The following TPPP variants were observed in gnomAD, a reference collection of about 807,000 sequenced individuals.
TPPP encodes the protein tubulin polymerization promoting protein.
TPPP carries 6 observed loss-of-function variants against 15.5 expected under a neutral mutation model. The observed-to-expected ratio is 0.39, with a 90% confidence interval of 0.21 to 0.77. TPPP has a LOEUF of 0.77. TPPP is among the 30% of genes least tolerant of loss of function. The pLI is 0.42. For missense variants in TPPP, 269 were observed against 307.2 expected (o/e 0.88, Z 0.93); for synonymous variants, 146 against 133.9 (o/e 1.09, Z -0.63).
At chr5:671,248 A>C (rs1241972843) in intron 2 of TPPP, among the ~76,000 whole-genome samples, 1 of 31,130 alleles carries the variant, frequency 3.2e-5, no homozygotes, top group Admixed American at 2.7e-4. Context: ...TTTCCTGGGG[A>C]GGGGCGGGGG....
intron 2 of TPPP, among the ~76,000 whole-genome samples, chr5:676,845 ACACAGAAACG>A (rs1740455265): frequency 2.9e-5 from 4 of 140,094 alleles, no homozygotes; most frequent in Admixed American, 6.8e-5. Context: ...TGCACACACG[ACACAGAAACG>A]CGCACACACG....
intron 2 of TPPP, among the ~76,000 whole-genome samples, chr5:674,211 G>A (rs1348779182): frequency 6.6e-6 from 1 of 152,214 alleles, no homozygotes; most frequent in African/African-American, 2.4e-5. Flanking sequence ...ACACACATTG[G>A]GCGGCACAGA....
chr5:700,649 A>C, the TPPP span, among the ~76,000 whole-genome samples: 98 of 151,736 alleles, frequency 6.5e-4, 1 homozygote, highest in South Asian at 1.5e-3. Flanking sequence ...TCTTACCTGC[A>C]TCCCTGAATA....
In TPPP at chr5:672,731, G is replaced by A. The variant is rs916090528; in HGVS notation, c.311+5019C>T. Among the ~76,000 whole-genome samples the A allele has an allele frequency of 5.9e-5, 9 of 152,354 alleles. No individual in the cohort carries two copies. In the East Asian group the frequency reaches 1.2e-3, roughly 20 times the overall value. ...GGCTCTACCGGGCCCCACTCCCACC[G>A]CCCGTGGTCCGGTCCCGCCTGTGCA... On this transcript the variant is annotated intron_variant, in intron 2 of 3. Coordinates refer to ENST00000360578, the MANE Select transcript of TPPP (RefSeq NM_007030.3).
At position 663,137 on chromosome 5, in the gene TPPP, ACCG is replaced by A. The variant is rs1561077224; in HGVS notation, c.*1962_*1964del. 2 of 68,996 alleles carry A rather than the reference ACCG, an allele frequency of 2.9e-5. No homozygotes were observed. The allele number at this position is 68,996 out of a possible 1,614,324, so 4.3% of individuals were successfully genotyped here. A position where few individuals can be genotyped will look rare whatever the true frequency, so the allele number is the denominator to read the frequency against. ...CGTCTGTGATCGGGCGATTCCGGTG[ACCG>A]CTCGTCTGTGATCGGGTGAGTCCGA... On this transcript the variant is annotated 3_prime_UTR_variant, in exon 4 of 4. Transcript: ENST00000360578.
intron 2 of TPPP, among the ~76,000 whole-genome samples, chr5:674,904 G>C (rs1028939693): frequency 1.3e-5 from 2 of 151,784 alleles, no homozygotes; most frequent in African/African-American, 4.9e-5. Flanking sequence ...AGCAAGGCCT[G>C]TACTGCAGAG....
At chr5:692,466 A>C in intron 1 of TPPP, 8 of 768,492 alleles carry the variant, frequency 1.0e-5, no homozygotes, top group Non-Finnish European at 1.2e-5. Flanking sequence ...CTATCAAAAC[A>C]GCAGCCCCCC....
intron 2 of TPPP, among the ~76,000 whole-genome samples, chr5:671,346 G>A (rs1004041266): frequency 3.9e-5 from 6 of 152,276 alleles, no homozygotes; most frequent in Admixed American, 6.5e-5. Flanking sequence ...GAGGGACCCC[G>A]GGCAGATCTG....
chr5:685,047 G>A (rs934298242), intron 1 of TPPP, among the ~76,000 whole-genome samples: 6 of 152,142 alleles, frequency 3.9e-5, no homozygotes, highest in African/African-American at 9.7e-5. Context: ...GAAAGGTCAC[G>A]GTCCTGAGAG....
chr5:699,115 C>A, the TPPP span, among the ~76,000 whole-genome samples: 1 of 151,874 alleles, frequency 6.6e-6, no homozygotes, highest in Non-Finnish European at 1.5e-5. Context: ...CCAACACAAT[C>A]TCTATCAAAT....
intron 1 of TPPP, among the ~76,000 whole-genome samples, chr5:685,926 A>T (rs1397629265): frequency 3.3e-5 from 5 of 152,172 alleles, no homozygotes; most frequent in Non-Finnish European, 7.4e-5. Flanking sequence ...ACTATGGCTG[A>T]GTATCCAGGC....
intron 2 of TPPP, among the ~76,000 whole-genome samples, 193 bp downstream of exon 2, chr5:677,557 G>A (rs879913368): frequency 3.3e-5 from 5 of 152,056 alleles, no homozygotes; most frequent in African/African-American, 1.2e-4. Context: ...GGCAATGCCC[G>A]GACCCCTGCT....
chr5:678,227 G>A (rs956908367), intron 1 of TPPP, among the ~76,000 whole-genome samples, 163 bp from the exon 2 acceptor site: 1 of 150,542 alleles, frequency 6.6e-6, no homozygotes, highest in Non-Finnish European at 1.5e-5. Flanking sequence ...GACCCTTGGA[G>A]CCAGCTGCCC....
chr5:672,912 G>T (rs534531171), intron 2 of TPPP, among the ~76,000 whole-genome samples: 1 of 152,244 alleles, frequency 6.6e-6, no homozygotes, highest in South Asian at 2.1e-4. Context: ...AAACAAACAA[G>T]CGCTGCCATG....
Position 662,265 on chromosome 5 carries a change from C to G in TPPP, c.*2837G>C, listed in dbSNP as rs1739657628. On this transcript the variant is annotated 3_prime_UTR_variant, in exon 4 of 4. Coordinates refer to ENST00000360578, the MANE Select transcript of TPPP (RefSeq NM_007030.3). ...GACCCGTCGGTGACAGGGCCTGCTC[C>G]CTGCGAGGTCGGGTGGTGCCCGGGC... 6.5e-6 allele frequency: 1 copy of G among 152,706 alleles called. No homozygotes were observed. Among genetic ancestry groups the G allele is most frequent in the African/African-American group, 2.4e-5 (1 of 41,464 alleles). The allele number at this position is 152,706 out of a possible 1,614,324, so 9.5% of individuals were successfully genotyped here.
chr5:699,105 C>A, the TPPP span, among the ~76,000 whole-genome samples: 1 of 151,722 alleles, frequency 6.6e-6, no homozygotes, highest in South Asian at 2.1e-4. Flanking sequence ...ATCTACAGAC[C>A]CAACACAATC....
At chr5:692,481 C>T in intron 1 of TPPP, 2 of 833,836 alleles carry the variant, frequency 2.4e-6, no homozygotes, top group Non-Finnish European at 2.9e-6. Context: ...CCCCCCAAAC[C>T]CCCATCAAGA....
At chr5:699,933 T>C in the TPPP span, among the ~76,000 whole-genome samples, 2 of 151,820 alleles carry the variant, frequency 1.3e-5, no homozygotes, top group East Asian at 1.9e-4. Flanking sequence ...ATTATTAAAG[T>C]CTAAAAGTAA....
At chr5:673,573 CCCAGCCTGCCGA>C (rs1194865355) in intron 2 of TPPP, among the ~76,000 whole-genome samples, 4 of 152,182 alleles carry the variant, frequency 2.6e-5, no homozygotes, top group Non-Finnish European at 4.4e-5. Context: ...ACTCACGGTG[CCCAGCCTGCCGA>C]CCAGGCTGCC....
Sources: gnomAD v4.1 joint callset for allele counts (sites outside exome capture counted in the v4.1 genomes callset) on GRCh38, gnomAD v4.1.1 for gene constraint, MANE v1.5 for transcripts, NCBI Gene and HGNC (gene_info 2026-07-23, HGNC 2026-07-21) for gene names.